The following DGKB variants were observed in gnomAD, a reference collection of about 807,000 sequenced individuals.
DGKB encodes 90 kDa diacylglycerol kinase.
A neutral mutation model predicts 114.3 loss-of-function variants in DGKB; 67 were observed. The ratio of observed to expected loss-of-function variants is 0.59; its 90% CI spans 0.48 to 0.72. DGKB has a LOEUF of 0.72. Ranked by LOEUF, DGKB falls within the 30% of genes least tolerant of loss-of-function variation. DGKB has a pLI of 0.00. For synonymous variants in DGKB, 398 were observed against 323.1 expected (o/e 1.23, Z -2.49); for missense variants, 907 against 975.2 (o/e 0.93, Z 0.93).
intron 23 of DGKB, among the ~76,000 whole-genome samples, chr7:14,220,377 A>C (rs1267178644): frequency 6.6e-6 from 1 of 151,402 alleles, no homozygotes; most frequent in Non-Finnish European, 1.5e-5. Context: ...TTTGTTGAAG[A>C]CTATTGTCTC....
chr7:14,670,942 A>G (rs1416692125), intron 13 of DGKB, among the ~76,000 whole-genome samples: 1 of 152,190 alleles, frequency 6.6e-6, no homozygotes, highest in African/African-American at 2.4e-5. Context: ...AATAAATTAA[A>G]TAATATTTTA....
At chr7:14,514,003 C>CT (rs905593742) in intron 20 of DGKB, among the ~76,000 whole-genome samples, 14 of 151,862 alleles carry the variant, frequency 9.2e-5, no homozygotes, top group African/African-American at 2.4e-4. Context: ...TAACATGTTA[C>CT]TTTTTTTATC....
intron 1 of DGKB, among the ~76,000 whole-genome samples, chr7:14,888,633 A>G (rs974184319): frequency 6.6e-6 from 1 of 151,764 alleles, no homozygotes; most frequent in Non-Finnish European, 1.5e-5. Context: ...TGGAATACCA[A>G]TAAAAGACTG....
intron 1 of DGKB, among the ~76,000 whole-genome samples, chr7:14,940,262 A>T (rs68016760): frequency 0.14 from 21,707 of 152,108 alleles, 1,625 homozygotes; most frequent in Admixed American, 0.2. Context: ...AGGGCATGTG[A>T]CAGTTTTTTA....
intron 23 of DGKB, among the ~76,000 whole-genome samples, chr7:14,179,596 A>G (rs1197025169): frequency 6.6e-6 from 1 of 152,178 alleles, no homozygotes; most frequent in African/African-American, 2.4e-5. Context: ...CATAGAGTTT[A>G]GAGATGCTAA....
At chr7:14,194,864 C>T (rs1296758532) in intron 23 of DGKB, among the ~76,000 whole-genome samples, 2 of 150,490 alleles carry the variant, frequency 1.3e-5, no homozygotes, top group Admixed American at 7.2e-5. Flanking sequence ...AAGGAAAGAC[C>T]AGAAATCACA....
chr7:14,942,614 C>G (rs1360600048), intron 1 of DGKB, among the ~76,000 whole-genome samples: 2 of 151,960 alleles, frequency 1.3e-5, no homozygotes, highest in Non-Finnish European at 1.5e-5. Context: ...ATCTACCACT[C>G]TTCCTCCAGT....
At chr7:14,799,998 C>A (rs1051340408) in intron 2 of DGKB, among the ~76,000 whole-genome samples, 1 of 151,984 alleles carries the variant, frequency 6.6e-6, no homozygotes. Flanking sequence ...CTTACTATGA[C>A]CTACGCCTCC....
At chr7:14,200,376 A>G (rs1785667699) in intron 23 of DGKB, among the ~76,000 whole-genome samples, 1 of 151,354 alleles carries the variant, frequency 6.6e-6, no homozygotes. Context: ...TAGTGAGACA[A>G]CTCCTCATTG....
intron 17 of DGKB, among the ~76,000 whole-genome samples, chr7:14,597,207 C>CA (rs796494815): frequency 4.6e-5 from 7 of 151,292 alleles, no homozygotes; most frequent in Non-Finnish European, 7.4e-5. Context: ...GACTCCGTCT[C>CA]AAAAAAAACC....
chr7:14,924,833 G>T (rs1462214697), intron 1 of DGKB, among the ~76,000 whole-genome samples: 1 of 151,898 alleles, frequency 6.6e-6, no homozygotes, highest in African/African-American at 2.4e-5. Flanking sequence ...TCCTCTCATG[G>T]GAAACTTTAC....
intron 20 of DGKB, among the ~76,000 whole-genome samples, chr7:14,496,728 G>A (rs928450960): frequency 4.0e-5 from 6 of 151,732 alleles, no homozygotes; most frequent in African/African-American, 1.5e-4. Flanking sequence ...TAAAGTTTTT[G>A]AAAACAGAAG....
chr7:14,841,442 G>A lies in DGKB; in HGVS notation c.-179C>T, dbSNP rs559629440. 4.1e-5 allele frequency: 15 copies of A among 365,544 alleles called. No individual in the cohort carries two copies. The South Asian group carries it at 1.0e-3, about 25-fold the overall frequency. The allele number at this position is 365,544 out of a possible 1,614,324, so 22.6% of individuals were successfully genotyped here. A position where few individuals can be genotyped will look rare whatever the true frequency, so the allele number is the denominator to read the frequency against. On this transcript the variant is annotated 5_prime_UTR_variant, in exon 2 of 26. Coordinates refer to ENST00000402815, the MANE Select transcript of DGKB (RefSeq NM_001350709.2). ...TGGATGCTTGTAATTTCAATAATGTGTTAAAGAACTGCAAAAAAAAAAAAC... is the reference window on the plus strand; with the variant it reads ...TGGATGCTTGTAATTTCAATAATGTATTAAAGAACTGCAAAAAAAAAAAAC...
At chr7:14,756,590 T>G (rs186575563) in intron 3 of DGKB, among the ~76,000 whole-genome samples, 3 of 151,898 alleles carry the variant, frequency 2.0e-5, no homozygotes, top group African/African-American at 7.2e-5. Context: ...TAAGAAAATA[T>G]GACATGAAAA....
intron 25 of DGKB, among the ~76,000 whole-genome samples, chr7:14,171,847 A>C (rs1781042226): frequency 6.6e-6 from 1 of 152,188 alleles, no homozygotes. Flanking sequence ...TTGGCAATCT[A>C]ATTATGTGTG....
chr7:14,716,521 G>A (rs1173929712), intron 6 of DGKB, among the ~76,000 whole-genome samples: 1 of 152,132 alleles, frequency 6.6e-6, no homozygotes, highest in African/African-American at 2.4e-5. Flanking sequence ...ATTGTATTTA[G>A]TAAATTGTAA....
At chr7:14,564,921 A>C (rs765888507) in intron 20 of DGKB, among the ~76,000 whole-genome samples, 1 of 151,786 alleles carries the variant, frequency 6.6e-6, no homozygotes, top group Admixed American at 6.6e-5. Flanking sequence ...TCTCTTTTTG[A>C]GCTCTCCCTA....
At chr7:14,312,154 A>T (rs1054159972) in intron 23 of DGKB, among the ~76,000 whole-genome samples, 1 of 152,240 alleles carries the variant, frequency 6.6e-6, no homozygotes, top group Admixed American at 6.5e-5. Flanking sequence ...GAATACACTT[A>T]TAGAGTTTTA....
chr7:14,916,232 TA>T (rs1784233988), intron 1 of DGKB, among the ~76,000 whole-genome samples: 2 of 151,370 alleles, frequency 1.3e-5, no homozygotes, highest in African/African-American at 4.9e-5. Context: ...GAAAATAATA[TA>T]ATCATATGAA....
Sources: allele counts gnomAD v4.1 joint callset (sites outside exome capture counted in the v4.1 genomes callset), GRCh38; gene constraint gnomAD v4.1.1; transcripts MANE v1.5; gene names NCBI Gene and HGNC (gene_info 2026-07-23, HGNC 2026-07-21).